The following PHF20 variants were observed in gnomAD, a reference collection of about 807,000 sequenced individuals.
The protein encoded by PHF20 is glioma-expressed antigen 2.
PHF20 carries 23 observed loss-of-function variants against 113.5 expected under a neutral mutation model. The ratio of observed to expected loss-of-function variants is 0.20; its 90% CI spans 0.15 to 0.29. PHF20 has a LOEUF of 0.29. Ranked by LOEUF, PHF20 falls within the 10% of genes least tolerant of loss-of-function variation. The probability of loss-of-function intolerance (pLI) is 1.00; values close to 1 mark genes in which losing one functional copy is unlikely to be tolerated. For synonymous variants in PHF20, 434 were observed against 457.3 expected (o/e 0.95, Z 0.65); for missense variants, 943 against 1,219.6 (o/e 0.77, Z 3.38).
At chr20:35,856,118 C>T (rs959616735) in intron 4 of PHF20, among the ~76,000 whole-genome samples, 2 of 152,098 alleles carry the variant, frequency 1.3e-5, no homozygotes, top group Non-Finnish European at 2.9e-5. Context: ...TACTACCCTT[C>T]CTAGCCTCTG....
At chr20:35,915,645 A>C (rs2055390796) in intron 12 of PHF20, among the ~76,000 whole-genome samples, 2 of 152,066 alleles carry the variant, frequency 1.3e-5, no homozygotes, top group Admixed American at 6.5e-5. Context: ...TCGACCTCCC[A>C]AAGTGCTGGG....
At chr20:35,874,703 G>A (rs1889888338) in intron 9 of PHF20, among the ~76,000 whole-genome samples, 1 of 151,654 alleles carries the variant, frequency 6.6e-6, no homozygotes, top group African/African-American at 2.4e-5. Flanking sequence ...AAGACTGTGT[G>A]TCTATAGAAT....
rs183733610 is a variant in PHF20, at chr20:35,940,888, G to T, written c.2737G>T (p.Ala913Ser). 6.4e-5 allele frequency: 104 copies of T among 1,613,758 alleles called. No individual in the cohort carries two copies. The highest frequency in any genetic ancestry group is 8.5e-5 in the Non-Finnish European group (100 of 1,179,912). The change falls in exon 17 of 18, where the codon GCC becomes TCC. Residue 913 changes from alanine (A) to serine (S), a missense_variant. By Grantham distance (99) the Ala-to-Ser change is moderately conservative. This residue lies in a region of PHF20 where 349 missense variants were observed against 412.3 expected (regional missense o/e 0.85). Transcript: ENST00000374012. ...PKVKEYVSKK[A>S]LPEEAPARKL... The stretch of plus-strand genomic sequence containing the variant: ...GGTGAAGGAATATGTCTCCAAAAAG[G>T]CCCTACCAGAAGAAGCCCCTGCTCG...
intron 2 of PHF20, among the ~76,000 whole-genome samples, chr20:35,821,345 GA>G (rs1415320046): frequency 6.6e-6 from 1 of 151,036 alleles, no homozygotes; most frequent in African/African-American, 2.4e-5. Context: ...TGAGGCAGGA[GA>G]ATTGCTTGAA....
chr20:35,803,103 T>C (rs1025226314), intron 2 of PHF20, among the ~76,000 whole-genome samples: 21 of 150,674 alleles, frequency 1.4e-4, no homozygotes, highest in African/African-American at 4.9e-4. Flanking sequence ...AATATAAAAA[T>C]TAGCCGGGCA....
Position 35,941,029 on chromosome 20 carries a change from A to G in PHF20, c.2878A>G (p.Ile960Val), listed in dbSNP as rs779105603. 1.2e-6 allele frequency: 2 copies of G among 1,613,506 alleles called. No homozygotes were observed. The highest frequency in any genetic ancestry group is 1.7e-6 in the Non-Finnish European group (2 of 1,179,712). Residue 960 changes from isoleucine (I) to valine (V), a missense_variant, in exon 17 of 18, where the codon ATT (isoleucine) becomes GTT (valine). Physicochemically the swap from Ile to Val is conservative, Grantham distance 29. Around this residue, in one of 3 missense-constraint regions of PHF20, gnomAD observed 349 missense variants for 412.3 expected, o/e 0.85. Transcript: ENST00000374012. ...QDEVTHRMDS[I>V]EKELDVLESW... ...TGAAGTTACGCACAGGATGGACTCCATTGAGAAGGAGTTGGATGGTAGGGC... is the reference window on the plus strand; with the variant it reads ...TGAAGTTACGCACAGGATGGACTCCGTTGAGAAGGAGTTGGATGGTAGGGC...
intron 1 of PHF20, among the ~76,000 whole-genome samples, chr20:35,798,435 T>A (rs1007993835): frequency 4.6e-5 from 7 of 151,824 alleles, no homozygotes; most frequent in African/African-American, 1.5e-4. Context: ...TAAATTCATA[T>A]GAGTTTTTTT....
chr20:35,906,184 G>A (rs2055197274), intron 10 of PHF20, among the ~76,000 whole-genome samples: 1 of 152,218 alleles, frequency 6.6e-6, no homozygotes, highest in African/African-American at 2.4e-5. Flanking sequence ...TTGGGGCACT[G>A]GAGTGGGCAC....
intron 8 of PHF20, among the ~76,000 whole-genome samples, chr20:35,871,437 T>C (rs939504416): frequency 1.3e-5 from 2 of 152,094 alleles, no homozygotes; most frequent in African/African-American, 4.8e-5. Flanking sequence ...TTTGTGTTTA[T>C]ACTTCCAGCT....
At chr20:35,895,979 G>A (rs113456418) in intron 9 of PHF20, among the ~76,000 whole-genome samples, 8,881 of 152,052 alleles carry the variant, frequency 0.058, 415 homozygotes, top group African/African-American at 0.13. Context: ...GAGCCATCGC[G>A]CCTGGCCAAC....
At chr20:35,904,786 C>CTTCCTTCT in intron 10 of PHF20, among the ~76,000 whole-genome samples, 1 of 148,082 alleles carries the variant, frequency 6.8e-6, no homozygotes, top group South Asian at 2.2e-4. Context: ...TCCTTCCTTC[C>CTTCCTTCT]TTCCTTCCTT....
At chr20:35,800,590 G>A (rs889978490) in intron 1 of PHF20, among the ~76,000 whole-genome samples, 4 of 152,158 alleles carry the variant, frequency 2.6e-5, no homozygotes, top group Admixed American at 1.3e-4. Flanking sequence ...GGCCAACATG[G>A]TGAAACCCAA....
At chr20:35,862,299 A>G (rs374031272) in intron 5 of PHF20, among the ~76,000 whole-genome samples, 1 of 152,170 alleles carries the variant, frequency 6.6e-6, no homozygotes, top group Non-Finnish European at 1.5e-5. Context: ...TTGTTTTTCT[A>G]TAGACAAGAC....
At chr20:35,871,521 G>A (rs1196509630) in intron 8 of PHF20, 129 bp from the exon 9 acceptor site, 16 of 706,962 alleles carry the variant, frequency 2.3e-5, no homozygotes, top group East Asian at 2.9e-5. Flanking sequence ...ACCTGTGAAT[G>A]TATGCTTTTA....
intron 1 of PHF20, among the ~76,000 whole-genome samples, chr20:35,780,703 C>T (rs1170909364): frequency 4.7e-5 from 7 of 150,518 alleles, no homozygotes; most frequent in Non-Finnish European, 1.0e-4. Flanking sequence ...AACACCACCA[C>T]ACCCGGCTAA....
intron 9 of PHF20, among the ~76,000 whole-genome samples, chr20:35,893,027 T>C (rs1415708894): frequency 6.6e-6 from 1 of 152,238 alleles, no homozygotes; most frequent in Non-Finnish European, 1.5e-5. Context: ...CACCTGGCAG[T>C]GTCTTCCCTC....
At chr20:35,935,024 A>G (rs2055838042) in intron 15 of PHF20, among the ~76,000 whole-genome samples, 1 of 152,082 alleles carries the variant, frequency 6.6e-6, no homozygotes, top group Non-Finnish European at 1.5e-5. Flanking sequence ...ATTTCTTTAA[A>G]AAAAAATTTT....
chr20:35,869,602 C>A (rs890091604), intron 7 of PHF20, 51 bp downstream of exon 7: 3 of 942,722 alleles, frequency 3.2e-6, no homozygotes, highest in African/African-American at 1.6e-5. Context: ...TTGTTTGGGT[C>A]AACTTCCTCT....
At chr20:35,840,207 T>C (rs1391878575) in intron 2 of PHF20, among the ~76,000 whole-genome samples, 1 of 152,214 alleles carries the variant, frequency 6.6e-6, no homozygotes, top group Non-Finnish European at 1.5e-5. Context: ...ATTTGATTAA[T>C]ACAAGTGTTT....
Sources: gnomAD v4.1 joint callset for allele counts (sites outside exome capture counted in the v4.1 genomes callset) on GRCh38, gnomAD v4.1.1 for gene constraint, gnomAD v4.1.1 regional missense constraint, MANE v1.5 for transcripts, NCBI Gene and HGNC (gene_info 2026-07-23, HGNC 2026-07-21) for gene names.